HUWE1: variants seen among roughly 807,000 people sequenced by gnomAD.
HUWE1 encodes the protein E3 ubiquitin-protein ligase HUWE1.
A neutral mutation model predicts 299.4 loss-of-function variants in HUWE1; 18 were observed. That is an observed-to-expected ratio of 0.06 (90% CI 0.04 to 0.09). The LOEUF is 0.09. Ranked by LOEUF, HUWE1 falls within the 10% of genes least tolerant of loss-of-function variation. The pLI is 1.00. For synonymous variants in HUWE1, 1,317 were observed against 1,286.1 expected, an observed-to-expected ratio of 1.02 and a Z score of -0.51; for missense variants, 1,832 against 3,462.3, an observed-to-expected ratio of 0.53 and a Z score of 11.82.
Position 53,539,766 on chromosome X carries a change from T to C in HUWE1, c.11523A>G (p.Pro3841=), listed in dbSNP as rs1556916762. The part of the protein sequence containing the change: ...PQGEKEKEER[P]PELPLLSEQL... ...GCTCGCTGAGCAGGGGTAACTCAGGTGGTCTTTCTTCCTTTTCCTTCTCCC... is the reference window on the plus strand; with the variant it reads ...GCTCGCTGAGCAGGGGTAACTCAGGCGGTCTTTCTTCCTTTTCCTTCTCCC... The change falls in exon 75 of 84, where the codon CCA becomes CCG. Residue 3841 remains proline, a synonymous_variant. Coordinates refer to ENST00000262854, the MANE Select transcript of HUWE1 (RefSeq NM_031407.7). The C allele has an allele frequency of 8.3e-7, 1 of 1,211,215 alleles. No individual in the cohort carries two copies. The highest frequency in any genetic ancestry group is 3.0e-5 in the East Asian group (1 of 33,838).
Position 53,607,632 on chromosome X carries a change from T to A in HUWE1, c.2387A>T (p.Gln796Leu), listed in dbSNP as rs140366563. The A allele has an allele frequency of 6.7e-5, 81 of 1,207,239 alleles. No individual in the cohort carries two copies. The highest frequency in any genetic ancestry group is 8.9e-5 in the Non-Finnish European group (79 of 892,363). ...TDDHCQEFVN[Q>L]KGLLPLVTIL... ...GGTAACCAAAGGCAACAGTCCTTTC[T>A]GATTCACAAATTCCTGGCAGTGGTC... The change falls in exon 25 of 84, where the codon CAG (glutamine) becomes CTG (leucine). Residue 796 changes from glutamine to leucine, a missense_variant. Coordinates refer to ENST00000262854, the MANE Select transcript of HUWE1 (RefSeq NM_031407.7).
In HUWE1 at chrX:53,537,559, C is replaced by T; in HGVS notation, c.12134G>A (p.Arg4045Gln). ...HRKSPEEMKN[R>Q]LYIVFEGEEG... ...TTCTCCGTTCCTGGGCCCTTACAAT[C>T]GATTCTTCATTTCTTCGGGGGATTT... Residue 4045 changes from arginine to glutamine, a missense_variant, in exon 78 of 84, where the codon CGA becomes CAA. Coordinates refer to ENST00000262854, the MANE Select transcript of HUWE1 (RefSeq NM_031407.7). 2 of 1,210,666 alleles carry T rather than the reference C, an allele frequency of 1.7e-6. No homozygotes were observed. Among genetic ancestry groups the T allele is most frequent in the Non-Finnish European group, 2.2e-6 (2 of 894,965 alleles).
At position 53,575,664 on chromosome X, in the gene HUWE1, C is replaced by T. The variant is rs781815002; in HGVS notation, c.6009G>A (p.Thr2003=). The part of the protein sequence containing the change: ...SLTRQSSDFD[T]QSGFSINSQV... ...TTACATTAATGGAAAAACCTGACTG[C>T]GTATCAAAGTCACTGCTCTGACGCG... The change falls in exon 45 of 84, where the codon ACG becomes ACA. Residue 2003 remains threonine, a synonymous_variant. Transcript: ENST00000262854. The T allele has an allele frequency of 3.6e-5, 43 of 1,209,350 alleles. No homozygotes were observed. The highest frequency in any genetic ancestry group is 2.0e-4 in the Admixed American group (9 of 45,890).
chrX:53,646,418 A>G (rs782114181), intron 6 of HUWE1, among the ~76,000 whole-genome samples: 3 of 111,609 alleles, frequency 2.7e-5, no homozygotes, highest in Admixed American at 9.5e-5. Flanking sequence ...TCAACCTCCC[A>G]AAGTGTCAGG....
At position 53,588,378 on chromosome X, in the gene HUWE1, T is replaced by C; in HGVS notation, c.4614+4A>G. 2 of 1,208,121 alleles carry C rather than the reference T, an allele frequency of 1.7e-6. No individual in the cohort carries two copies. The highest frequency in any genetic ancestry group is 2.2e-6 in the Non-Finnish European group (2 of 893,667). On this transcript the variant is annotated splice_donor_region_variant and intron_variant, in intron 37 of 83. Coordinates refer to ENST00000262854, the MANE Select transcript of HUWE1 (RefSeq NM_031407.7). ...TTACAAGGCCCCAAAGATCTAAATCTTACCTCAAAAAGTAGCGTTAAAAGC... is the reference window on the plus strand; with the variant it reads ...TTACAAGGCCCCAAAGATCTAAATCCTACCTCAAAAAGTAGCGTTAAAAGC...
At position 53,548,937 on chromosome X, in the gene HUWE1, G is replaced by A. The variant is rs782244693; in HGVS notation, c.10035+22C>T. The A allele has an allele frequency of 1.2e-5, 14 of 1,167,666 alleles. No individual in the cohort carries two copies. The East Asian group carries it at 4.1e-4, about 34-fold the overall frequency. ...GCTGCCACCCTTCTTCCATCCCCAG[G>A]AGTTGGGTTTGAAACCCTCACCTTG... On this transcript the variant is annotated intron_variant, in intron 67 of 83. Transcript: ENST00000262854.
In HUWE1 at chrX:53,543,928, A is replaced by G. The variant is rs1326838737; in HGVS notation, c.11292T>C (p.Ala3764=). The part of the protein sequence containing the change: ...GLGSASSIQA[A]VRQLEAEADA... ...CAGCCTCAGCCTCCAGCTGCCGAAC[A>G]GCTGCCTGGATGCTGCTAGCTGAGC... Residue 3764 remains alanine (A), a synonymous_variant, in exon 73 of 84, where the codon GCT becomes GCC. Coordinates refer to ENST00000262854, the MANE Select transcript of HUWE1 (RefSeq NM_031407.7). The G allele has an allele frequency of 8.3e-7, 1 of 1,207,577 alleles. No individual in the cohort carries two copies. The highest frequency in any genetic ancestry group is 3.0e-5 in the East Asian group (1 of 33,747).
At chrX:53,666,403 T>C (rs782231499) in intron 3 of HUWE1, among the ~76,000 whole-genome samples, 2 of 111,983 alleles carry the variant, frequency 1.8e-5, no homozygotes, top group Non-Finnish European at 3.8e-5. Flanking sequence ...TTGATCACTG[T>C]TCAAGCTGGG....
chrX:53,628,626 A>T lies in HUWE1; in HGVS notation c.1115-6T>A. On this transcript the variant is annotated splice_polypyrimidine_tract_variant and splice_region_variant and intron_variant, in intron 14 of 83. Coordinates refer to ENST00000262854, the MANE Select transcript of HUWE1 (RefSeq NM_031407.7). ...GTATGGATCCATGGAAGGATCTACA[A>T]GGGAGGTGGGGAGAGGGAGAACAAA... 8.5e-7 allele frequency: 1 copy of T among 1,181,646 alleles called. No homozygotes were observed. Among genetic ancestry groups the T allele is most frequent in the African/African-American group, 1.8e-5 (1 of 56,608 alleles).
chrX:53,547,547 T>C, intron 68 of HUWE1, 126 bp downstream of exon 68: 1 of 1,036,085 alleles, frequency 9.7e-7, no homozygotes, highest in East Asian at 3.3e-5. Flanking sequence ...AATGAACACA[T>C]TCTGTTCTCA....
At chrX:53,595,530 G>T in intron 29 of HUWE1, 127 bp from the exon 30 acceptor site, 2 of 569,533 alleles carry the variant, frequency 3.5e-6, no homozygotes, top group Non-Finnish European at 5.8e-6. Flanking sequence ...TTAACACTTG[G>T]ATTTGTTCTA....
chrX:53,588,683 T>C (rs1449704099), intron 36 of HUWE1, 149 bp from the exon 37 acceptor site: 1 of 544,115 alleles, frequency 1.8e-6, no homozygotes, highest in East Asian at 3.6e-5. Flanking sequence ...CCATAGGGAT[T>C]TAGAATCTAT....
Position 53,575,081 on chromosome X carries a change from C to G in HUWE1, c.6097+74G>C, listed in dbSNP as rs1029129463. The G allele has an allele frequency of 7.9e-6, 6 of 758,865 alleles. 1 individual carries two copies. The highest frequency in any genetic ancestry group is 1.2e-5 in the Non-Finnish European group (6 of 496,531). 62.5% of individuals were successfully genotyped at this position (758,865 alleles called of 1,213,427 possible). Reference sequence around the variant, plus strand: ...AGTCTGTATTCTCCTACCCCCTGCACAGGACACCTACAGTTTTTTCAAGTT... The same window carrying G: ...AGTCTGTATTCTCCTACCCCCTGCAGAGGACACCTACAGTTTTTTCAAGTT... On this transcript the variant is annotated intron_variant, in intron 46 of 83. Transcript: ENST00000262854.
chrX:53,593,212 T>C (rs1388215886), intron 32 of HUWE1, 152 bp downstream of exon 32: 2 of 463,821 alleles, frequency 4.3e-6, no homozygotes, highest in Admixed American at 3.7e-5. Flanking sequence ...AATTCTCAAA[T>C]GGTCTATATT....
chrX:53,610,274 C>T (rs1021441692), intron 23 of HUWE1, among the ~76,000 whole-genome samples: 1 of 111,726 alleles, frequency 9.0e-6, no homozygotes, highest in African/African-American at 3.3e-5. Context: ...GACCTATATG[C>T]CCCCTTCATT....
At chrX:53,644,747 A>G (rs986026456) in intron 7 of HUWE1, among the ~76,000 whole-genome samples, 10 of 112,367 alleles carry the variant, frequency 8.9e-5, no homozygotes, top group Non-Finnish European at 1.7e-4. Context: ...GCTTTCCAAC[A>G]GTGGGTTACC....
Position 53,625,253 on chromosome X carries a change from G to T in HUWE1, c.1495C>A (p.Gln499Lys). The T allele has an allele frequency of 8.5e-7, 1 of 1,170,400 alleles. No homozygotes were observed. The highest frequency in any genetic ancestry group is 1.2e-6 in the Non-Finnish European group (1 of 857,860). The stretch of plus-strand genomic sequence containing the variant: ...AGTGCTGCTCGTTGTGGAATACACT[G>T]GACTCCTGGCAATGAAGAAAGACAA... ...EEMETDMDGVQCIPQRAALLK... is the reference protein window; with the variant it reads ...EEMETDMDGVKCIPQRAALLK... The change falls in exon 18 of 84, where the codon CAG becomes AAG. Residue 499 changes from glutamine to lysine, a missense_variant. This residue lies in a region of HUWE1 where 658 missense variants were observed against 1,282.6 expected (regional missense o/e 0.51). Transcript: ENST00000262854.
intron 52 of HUWE1, 134 bp downstream of exon 52, chrX:53,563,612 C>T: frequency 1.4e-6 from 1 of 692,313 alleles, no homozygotes; most frequent in South Asian, 2.3e-5. Context: ...AGACCGTCAA[C>T]ATCAAGACAA....
rs1556943903 is a variant in HUWE1, at chrX:53,564,577, C to T, written c.7026G>A (p.Met2342Ile). 3 of 1,210,668 alleles carry T rather than the reference C, an allele frequency of 2.5e-6. No individual in the cohort carries two copies. The Admixed American group carries it at 6.5e-5, about 26-fold the overall frequency. The change falls in exon 51 of 84, where the codon ATG (methionine) becomes ATA (isoleucine). Residue 2342 changes from methionine to isoleucine, a missense_variant. Physicochemically the swap from Met to Ile is conservative, Grantham distance 10. This residue lies in a region of HUWE1 where 170 missense variants were observed against 335.8 expected (regional missense o/e 0.51). Coordinates refer to ENST00000262854, the MANE Select transcript of HUWE1 (RefSeq NM_031407.7). The stretch of plus-strand genomic sequence containing the variant: ...GCTGGGTGATCTGCCTCCCTACCTG[C>T]ATCTCTTGTGAACTGAGCACCTCAG... ...GQPEVLSSQE[M>I]QVENELEDLI...
Sources: gnomAD v4.1 joint callset for allele counts (sites outside exome capture counted in the v4.1 genomes callset) on GRCh38, gnomAD v4.1.1 for gene constraint, gnomAD v4.1.1 regional missense constraint, MANE v1.5 for transcripts, NCBI Gene and HGNC (gene_info 2026-07-23, HGNC 2026-07-21) for gene names.